The following RNLS variants were observed in gnomAD, a reference collection of about 807,000 sequenced individuals.
RNLS encodes the protein renalase, FAD dependent amine oxidase.
RNLS carries 39 observed loss-of-function variants against 39.8 expected under a neutral mutation model. The observed-to-expected ratio is 0.98, with a 90% CI of 0.76 to 1.28. RNLS has a LOEUF of 1.28. Among genes scored for constraint, RNLS ranks in the 50% most tolerant of loss-of-function variants. The probability of loss-of-function intolerance (pLI) is 0.00; values close to 1 mark genes in which losing one functional copy is unlikely to be tolerated. For synonymous variants in RNLS, 147 were observed against 150.7 expected (o/e 0.98, Z 0.18); for missense variants, 410 against 413.3 (o/e 0.99, Z 0.07).
intron 5 of RNLS, among the ~76,000 whole-genome samples, chr10:88,347,296 G>A (rs754155891): frequency 3.9e-5 from 6 of 152,054 alleles, no homozygotes; most frequent in Non-Finnish European, 8.8e-5. Context: ...CCACAGTAAG[G>A]ACTTAACTTC....
chr10:88,562,662 A>C (rs1000933872), intron 4 of RNLS, among the ~76,000 whole-genome samples: 2 of 152,152 alleles, frequency 1.3e-5, no homozygotes, highest in East Asian at 3.8e-4. Flanking sequence ...AAAACCAGCA[A>C]AAATTTAAAA....
intron 6 of RNLS, among the ~76,000 whole-genome samples, chr10:88,299,764 C>T (rs956726156): frequency 1.3e-5 from 2 of 152,166 alleles, no homozygotes; most frequent in African/African-American, 4.8e-5. Context: ...TGTGAAACAT[C>T]AACTTTTGAA....
the RNLS span, among the ~76,000 whole-genome samples, chr10:88,267,214 C>T: frequency 2.0e-5 from 3 of 152,198 alleles, no homozygotes; most frequent in African/African-American, 7.2e-5. Context: ...GGTGAAGACT[C>T]TAGCATCTTG....
At chr10:88,513,331 T>C (rs924358645) in intron 4 of RNLS, among the ~76,000 whole-genome samples, 1 of 152,156 alleles carries the variant, frequency 6.6e-6, no homozygotes, top group Non-Finnish European at 1.5e-5. Flanking sequence ...ATAATATGGA[T>C]GCACTATCAC....
intron 4 of RNLS, among the ~76,000 whole-genome samples, chr10:88,365,144 C>T (rs1263217536): frequency 6.6e-6 from 1 of 152,026 alleles, no homozygotes; most frequent in Non-Finnish European, 1.5e-5. Flanking sequence ...ACACCCTTGT[C>T]TATTCCAGGG....
At chr10:88,178,224 T>G in the RNLS span, among the ~76,000 whole-genome samples, 2 of 152,116 alleles carry the variant, frequency 1.3e-5, no homozygotes, top group African/African-American at 4.8e-5. Context: ...ATGAATGTGG[T>G]AAGATGTCAG....
chr10:88,575,839 C>T lies in RNLS; in HGVS notation c.368-2778G>A, dbSNP rs141075827. ...AAATCTTTAACATTGCTTACAAAGC[C>T]CTGTATAACCTGGCCCTGCCTTAGT... On this transcript the variant is annotated intron_variant, in intron 3 of 6. Transcript: ENST00000331772. Among the ~76,000 whole-genome samples, 112 of 152,218 alleles carry T rather than the reference C, an allele frequency of 7.4e-4. 2 individuals are homozygous for T. The East Asian group carries it at 0.019, about 26-fold the overall frequency.
intron 4 of RNLS, among the ~76,000 whole-genome samples, chr10:88,486,883 A>C (rs1255029991): frequency 6.6e-6 from 1 of 152,222 alleles, no homozygotes; most frequent in Non-Finnish European, 1.5e-5. Flanking sequence ...CAGAATATAA[A>C]TCATTCTACC....
chr10:88,558,760 T>C (rs1429775715), intron 4 of RNLS, among the ~76,000 whole-genome samples: 1 of 152,056 alleles, frequency 6.6e-6, no homozygotes, highest in African/African-American at 2.4e-5. Flanking sequence ...ACAAGAGAAT[T>C]AGGAAATAAT....
At chr10:88,219,921 G>A in the RNLS span, among the ~76,000 whole-genome samples, 2 of 152,274 alleles carry the variant, frequency 1.3e-5, no homozygotes, top group African/African-American at 4.8e-5. Flanking sequence ...CACCCTTCAG[G>A]GGAATCTCCT....
At chr10:88,360,384 A>G (rs1317623406) in intron 5 of RNLS, among the ~76,000 whole-genome samples, 2 of 152,156 alleles carry the variant, frequency 1.3e-5, no homozygotes, top group Non-Finnish European at 2.9e-5. Context: ...GCACATGAGG[A>G]GAAGTCTATT....
chr10:88,474,365 G>T (rs1843694514), intron 4 of RNLS, among the ~76,000 whole-genome samples: 1 of 152,104 alleles, frequency 6.6e-6, no homozygotes. Context: ...AGAATTCTTT[G>T]TTGCGTGAGG....
chr10:88,446,717 G>C lies in RNLS; in HGVS notation c.527-83992C>G, dbSNP rs544439942. On this transcript the variant is annotated intron_variant, in intron 4 of 6. Transcript: ENST00000331772. The stretch of plus-strand genomic sequence containing the variant: ...CTGGCAGAGACACAACAAAAGAAGA[G>C]AATTTTAGACCAATATCCCTGATGA... 2.2e-3 allele frequency among the ~76,000 whole-genome samples: 332 copies of C among 152,162 alleles called. 3 individuals are homozygous for C. The highest frequency in any genetic ancestry group is 0.02 in the Middle Eastern group (6 of 294).
the RNLS span, among the ~76,000 whole-genome samples, chr10:88,198,871 A>G: frequency 1.3e-5 from 2 of 152,104 alleles, no homozygotes; most frequent in African/African-American, 4.8e-5. Context: ...AAACCAATAC[A>G]CCTTGCATAA....
intron 4 of RNLS, among the ~76,000 whole-genome samples, chr10:88,416,991 A>G (rs1699210198): frequency 6.6e-6 from 1 of 152,224 alleles, no homozygotes; most frequent in East Asian, 1.9e-4. Context: ...ATGTCTCTCT[A>G]TGAGAATTTC....
intron 4 of RNLS, among the ~76,000 whole-genome samples, chr10:88,422,607 A>G (rs534353238): frequency 2.0e-5 from 3 of 152,312 alleles, no homozygotes; most frequent in Non-Finnish European, 4.4e-5. Context: ...TTGGTTCAAA[A>G]GTGTTGCTAT....
chr10:88,556,164 T>C (rs1257133188), intron 4 of RNLS, among the ~76,000 whole-genome samples: 1 of 152,174 alleles, frequency 6.6e-6, no homozygotes. Flanking sequence ...GTTTTTGCAA[T>C]TATTCAATCC....
At chr10:88,570,548 T>C (rs1468151832) in intron 4 of RNLS, among the ~76,000 whole-genome samples, 1 of 152,226 alleles carries the variant, frequency 6.6e-6, no homozygotes, top group African/African-American at 2.4e-5. Context: ...GCAGTACCTA[T>C]ATTTATTTTG....
the RNLS span, among the ~76,000 whole-genome samples, chr10:88,246,671 C>A: frequency 6.6e-6 from 1 of 151,940 alleles, no homozygotes; most frequent in African/African-American, 2.4e-5. Context: ...TCTCTCACGG[C>A]TAGAATTTTG....
Sources: gnomAD v4.1 joint callset for allele counts (sites outside exome capture counted in the v4.1 genomes callset) on GRCh38, gnomAD v4.1.1 for gene constraint, MANE v1.5 for transcripts, NCBI Gene and HGNC (gene_info 2026-07-23, HGNC 2026-07-21) for gene names.